Variants in PAK3 observed in about 807,000 individuals in gnomAD.
The protein encoded by PAK3 is serine/threonine-protein kinase PAK 3.
A neutral mutation model predicts 41.0 loss-of-function variants in PAK3; 4 were observed. That is an observed-to-expected ratio of 0.10 (90% confidence interval 0.05 to 0.22). PAK3 has a LOEUF of 0.22. Ranked by LOEUF, PAK3 falls within the 10% of genes least tolerant of loss-of-function variation. PAK3 has a pLI of 1.00. For missense variants in PAK3, 205 were observed against 409.9 expected, an observed-to-expected ratio of 0.50 and a Z score of 4.32; for synonymous variants, 146 against 139.6, an observed-to-expected ratio of 1.05 and a Z score of -0.32.
intron 5 of PAK3, among the ~76,000 whole-genome samples, chrX:111,123,599 A>G (rs1020046027): frequency 1.8e-5 from 2 of 112,650 alleles, no homozygotes; most frequent in African/African-American, 6.4e-5. Flanking sequence ...AGAATTTACA[A>G]TAATCCCTCC....
intron 1 of PAK3, among the ~76,000 whole-genome samples, chrX:111,045,616 T>C (rs2092489519): frequency 8.9e-6 from 1 of 111,999 alleles, no homozygotes; most frequent in Non-Finnish European, 1.9e-5. Flanking sequence ...ATTTATGAAA[T>C]AGAAGTTGGA....
chrX:111,207,063 T>C (rs1261623387), intron 16 of PAK3, among the ~76,000 whole-genome samples: 8 of 104,971 alleles, frequency 7.6e-5, no homozygotes, highest in African/African-American at 3.0e-4. Flanking sequence ...TCAATGTAGA[T>C]AGATATATAC....
At chrX:111,185,158 CT>C (rs951477896) in intron 11 of PAK3, among the ~76,000 whole-genome samples, 3 of 112,119 alleles carry the variant, frequency 2.7e-5, no homozygotes, top group East Asian at 2.8e-4. Context: ...TGATGATGAG[CT>C]TTTTTTAGTA....
chrX:111,200,147 C>A (rs982252295), intron 16 of PAK3, among the ~76,000 whole-genome samples: 9 of 110,196 alleles, frequency 8.2e-5, no homozygotes, highest in East Asian at 5.7e-4. Context: ...AAAAAAAAAA[C>A]CATTGTTCTT....
intron 5 of PAK3, among the ~76,000 whole-genome samples, chrX:111,127,405 T>C: frequency 9.1e-6 from 1 of 110,451 alleles, no homozygotes; most frequent in African/African-American, 3.3e-5. Context: ...AATAGCTACA[T>C]TTCATTGACT....
chrX:111,160,736 G>T (rs1352222479), intron 8 of PAK3, among the ~76,000 whole-genome samples: 1 of 103,708 alleles, frequency 9.6e-6, no homozygotes, highest in Non-Finnish European at 2.0e-5. Context: ...TTGTCCTTGT[G>T]ATAGTTTGCT....
intron 1 of PAK3, among the ~76,000 whole-genome samples, chrX:111,032,421 A>C (rs746176536): frequency 8.9e-5 from 10 of 111,867 alleles, no homozygotes; most frequent in Non-Finnish European, 1.9e-4. Context: ...CTCTGGGTGT[A>C]AGATAATCCA....
Position 111,130,271 on chromosome X carries a change from C to T in PAK3, c.175+6993C>T, listed in dbSNP as rs112288939. 2.7e-3 allele frequency among the ~76,000 whole-genome samples: 307 copies of T among 111,762 alleles called. 1 individual carries two copies. Among genetic ancestry groups the T allele is most frequent in the African/African-American group, 9.5e-3 (294 of 30,821 alleles). On this transcript the variant is annotated intron_variant, in intron 5 of 17. Coordinates refer to ENST00000372007, the MANE Select transcript of PAK3 (RefSeq NM_002578.5). ...CATGTGACTATCATTTTACTTCCCC[C>T]ATCCCATCATCCTCACGGAACATCT...
At chrX:111,210,763 A>C (rs186995622) in intron 16 of PAK3, among the ~76,000 whole-genome samples, 23 of 112,169 alleles carry the variant, frequency 2.1e-4, no homozygotes, top group African/African-American at 6.8e-4. Context: ...CCTGTAAACA[A>C]ATAACAAGTG....
chrX:111,008,276 G>A (rs1450891107), intron 1 of PAK3, among the ~76,000 whole-genome samples: 1 of 112,615 alleles, frequency 8.9e-6, no homozygotes, highest in African/African-American at 3.2e-5. Context: ...CAGAATTGCT[G>A]TAAGGAATAA....
intron 1 of PAK3, among the ~76,000 whole-genome samples, chrX:111,071,593 T>C (rs1224375745): frequency 2.7e-5 from 3 of 112,257 alleles, no homozygotes; most frequent in African/African-American, 9.7e-5. Context: ...GTAAACTATA[T>C]AGCAGTTTCT....
rs1455315292 is a variant in PAK3, at chrX:111,226,209, A to C, written c.*5762A>C. 9 of 111,485 alleles carry C rather than the reference A, an allele frequency of 8.1e-5. No homozygotes were observed. The highest frequency in any genetic ancestry group is 1.9e-4 in the Admixed American group (2 of 10,540). The allele number at this position is 111,485 out of a possible 1,213,427, so 9.2% of individuals were successfully genotyped here. On this transcript the variant is annotated 3_prime_UTR_variant, in exon 18 of 18. Transcript: ENST00000372007. ...AAAAACTCAAGCAAATGAAGTTCAT[A>C]ATAATAGGGGATGTTGATAAAACTT... is the stretch of plus-strand genomic sequence containing the variant.
chrX:111,205,961 A>G (rs2094742308), intron 16 of PAK3, among the ~76,000 whole-genome samples: 1 of 111,315 alleles, frequency 9.0e-6, no homozygotes, highest in Non-Finnish European at 1.9e-5. Flanking sequence ...TAGGACTAGA[A>G]ATTTGTTGTG....
At chrX:111,081,784 A>T (rs772159688) in intron 1 of PAK3, among the ~76,000 whole-genome samples, 25 of 111,053 alleles carry the variant, frequency 2.3e-4, no homozygotes, top group Non-Finnish European at 4.7e-4. Flanking sequence ...CTGACAGATG[A>T]TAGACATTTA....
chrX:111,141,118 T>G (rs2093865295), intron 5 of PAK3, among the ~76,000 whole-genome samples: 1 of 111,313 alleles, frequency 9.0e-6, no homozygotes, highest in African/African-American at 3.3e-5. Flanking sequence ...TCACCAGAGA[T>G]ACATGCTCAG....
intron 5 of PAK3, among the ~76,000 whole-genome samples, chrX:111,133,098 C>T (rs2093741497): frequency 8.9e-6 from 1 of 111,983 alleles, no homozygotes; most frequent in African/African-American, 3.2e-5. Flanking sequence ...TCTTCTCACA[C>T]CTTTTTTTGT....
At chrX:111,205,064 C>G (rs1040468631) in intron 16 of PAK3, among the ~76,000 whole-genome samples, 3 of 107,319 alleles carry the variant, frequency 2.8e-5, no homozygotes, top group Non-Finnish European at 5.8e-5. Flanking sequence ...GAATTGTATT[C>G]CGATGTCTGT....
chrX:111,020,881 C>T (rs1043928648), intron 1 of PAK3, among the ~76,000 whole-genome samples: 1 of 110,846 alleles, frequency 9.0e-6, no homozygotes, highest in South Asian at 3.9e-4. Flanking sequence ...CTGTGACTGC[C>T]AGCTTTCCAC....
chrX:110,976,985 C>A (rs182085303), intron 1 of PAK3, among the ~76,000 whole-genome samples: 1 of 110,016 alleles, frequency 9.1e-6, no homozygotes, highest in Non-Finnish European at 1.9e-5. Flanking sequence ...GGAAGGATAG[C>A]ATTAGGAGAA....
Sources: gnomAD v4.1 joint callset for allele counts (sites outside exome capture counted in the v4.1 genomes callset) on GRCh38, gnomAD v4.1.1 for gene constraint, MANE v1.5 for transcripts, NCBI Gene and HGNC (gene_info 2026-07-23, HGNC 2026-07-21) for gene names.